The following ZNF821 variants were observed in gnomAD, a reference collection of about 807,000 sequenced individuals.
ZNF821 encodes zinc finger protein 821.
A neutral mutation model predicts 44.3 loss-of-function variants in ZNF821; 16 were observed. The ratio of observed to expected loss-of-function variants is 0.36; its 90% CI spans 0.24 to 0.55. The LOEUF (loss-of-function observed/expected upper bound fraction) is 0.55, where lower values mean the gene tolerates loss of function less well. Ranked by LOEUF, ZNF821 falls within the 20% of genes least tolerant of loss-of-function variation. The pLI, the probability that ZNF821 is intolerant of heterozygous loss-of-function variation, is 0.86. For missense variants in ZNF821, 436 were observed against 547.6 expected (o/e 0.80, Z 2.03); for synonymous variants, 204 against 197.6 (o/e 1.03, Z -0.27).
At chr16:71,862,423 CA>C (rs1351320765) in intron 6 of ZNF821, among the ~76,000 whole-genome samples, 1 of 152,064 alleles carries the variant, frequency 6.6e-6, no homozygotes, top group Non-Finnish European at 1.5e-5. Flanking sequence ...CACAGTGAGC[CA>C]AGATCACACC....
chr16:71,863,390 G>A (rs1211520651), intron 6 of ZNF821, among the ~76,000 whole-genome samples: 2 of 146,712 alleles, frequency 1.4e-5, no homozygotes, highest in Non-Finnish European at 3.0e-5. Context: ...TGGAAGCTTG[G>A]AGCAGAATCT....
chr16:71,877,974 T>C (rs1057326392), intron 3 of ZNF821, among the ~76,000 whole-genome samples: 1 of 147,484 alleles, frequency 6.8e-6, no homozygotes, highest in African/African-American at 2.5e-5. Context: ...AATATATATG[T>C]ATATATATTT....
chr16:71,890,249 C>G (rs1214417929), intron 1 of ZNF821, among the ~76,000 whole-genome samples: 2 of 150,034 alleles, frequency 1.3e-5, no homozygotes, highest in African/African-American at 5.0e-5. Context: ...TATTGTTTTT[C>G]TTCTTTTTCT....
intron 7 of ZNF821, among the ~76,000 whole-genome samples, chr16:71,861,238 G>A (rs551739050): frequency 1.3e-5 from 2 of 152,350 alleles, no homozygotes; most frequent in African/African-American, 4.8e-5. Flanking sequence ...CAAACCCTTG[G>A]TGTTTTCACT....
Position 71,860,773 on chromosome 16 carries a change from T to G in ZNF821, c.585-101A>C. 8.2e-7 allele frequency: 1 copy of G among 1,214,352 alleles called. No homozygotes were observed. The highest frequency in any genetic ancestry group is 1.1e-6 in the Non-Finnish European group (1 of 881,732). 75.2% of individuals were successfully genotyped at this position (1,214,352 alleles called of 1,614,324 possible). A position where few individuals can be genotyped will look rare whatever the true frequency, so the allele number is the denominator to read the frequency against. On this transcript the variant is annotated intron_variant, in intron 7 of 7. Coordinates refer to ENST00000425432, the MANE Select transcript of ZNF821 (RefSeq NM_001201552.2). The surrounding 1 kb of genome is among the most constrained non-coding windows in gnomAD (Gnocchi z 7.3). ...TCCTATGAGGCCAGTGGCTCCACGC[T>G]CACCACAAGGGGTCAGTTTGAATGC...
At chr16:71,863,007 C>T (rs1243173044) in intron 6 of ZNF821, among the ~76,000 whole-genome samples, 1 of 152,184 alleles carries the variant, frequency 6.6e-6, no homozygotes, top group African/African-American at 2.4e-5. Flanking sequence ...CATTCTCCTG[C>T]CTCAGCTTCC....
intron 1 of ZNF821, among the ~76,000 whole-genome samples, chr16:71,892,230 G>A (rs1417882211): frequency 7.6e-6 from 1 of 131,978 alleles, no homozygotes; most frequent in East Asian, 2.4e-4. Flanking sequence ...CACCTTTAGC[G>A]CTTTTAGTTA....
intron 2 of ZNF821, among the ~76,000 whole-genome samples, chr16:71,882,518 AAGAC>A (rs1375038296): frequency 6.6e-6 from 1 of 152,200 alleles, no homozygotes; most frequent in Non-Finnish European, 1.5e-5. Flanking sequence ...TCCAAGTCAA[AAGAC>A]AGAGATGAGT....
upstream of ZNF821, among the ~76,000 whole-genome samples, chr16:71,888,905 A>G (rs2036871785): frequency 6.6e-6 from 1 of 152,180 alleles, no homozygotes; most frequent in Non-Finnish European, 1.5e-5. Context: ...TAAACTCCAT[A>G]TACACAAATT....
intron 3 of ZNF821, among the ~76,000 whole-genome samples, chr16:71,874,837 C>T (rs1363178583): frequency 6.6e-6 from 1 of 152,184 alleles, no homozygotes; most frequent in South Asian, 2.1e-4. Flanking sequence ...TGATAGGAGA[C>T]TCACATGGTC....
chr16:71,875,797 C>A (rs975277600), intron 3 of ZNF821, among the ~76,000 whole-genome samples: 1 of 152,132 alleles, frequency 6.6e-6, no homozygotes, highest in Non-Finnish European at 1.5e-5. Context: ...CAGGGTTTCA[C>A]CATGTTGTCC....
At chr16:71,893,141 C>T (rs1484912270) in intron 1 of ZNF821, among the ~76,000 whole-genome samples, 1 of 147,600 alleles carries the variant, frequency 6.8e-6, no homozygotes, top group African/African-American at 2.5e-5. Context: ...TCTCCTGCCT[C>T]AGCCTCCCGA....
intron 3 of ZNF821, among the ~76,000 whole-genome samples, chr16:71,873,650 T>A (rs1320673869): frequency 5.3e-5 from 8 of 152,016 alleles, no homozygotes; most frequent in Admixed American, 3.9e-4. Flanking sequence ...GATTCTTTTT[T>A]AAAAATATAT....
At chr16:71,885,318 G>A (rs1018651406), upstream of ZNF821, 2 of 152,320 alleles carry the variant, frequency 1.3e-5, no homozygotes, top group Non-Finnish European at 2.9e-5. Context: ...ATGAGATCTG[G>A]TATTAGAAGA....
intron 3 of ZNF821, among the ~76,000 whole-genome samples, chr16:71,875,291 C>CT (rs1300368635): frequency 1.3e-5 from 2 of 151,394 alleles, no homozygotes; most frequent in Admixed American, 6.6e-5. Flanking sequence ...TCTTTTTTTC[C>CT]TTTTTTTTGA....
At chr16:71,869,514 A>C (rs2034946679) in intron 3 of ZNF821, among the ~76,000 whole-genome samples, 1 of 152,100 alleles carries the variant, frequency 6.6e-6, no homozygotes, top group African/African-American at 2.4e-5. Flanking sequence ...TGTAGTTATC[A>C]CCTCACCTTA....
At chr16:71,877,574 T>C (rs544765766) in intron 3 of ZNF821, among the ~76,000 whole-genome samples, 9 of 152,096 alleles carry the variant, frequency 5.9e-5, no homozygotes, top group Non-Finnish European at 1.3e-4. Flanking sequence ...TAGCATGTTT[T>C]TAAGAAATTT....
At chr16:71,863,381 G>A (rs936765513) in intron 6 of ZNF821, among the ~76,000 whole-genome samples, 7 of 148,608 alleles carry the variant, frequency 4.7e-5, no homozygotes, top group Admixed American at 4.1e-4. Context: ...CTAAAATGTT[G>A]GAAGCTTGGA....
At chr16:71,864,348 G>A (rs752714083) in intron 5 of ZNF821, 106 bp from the exon 6 acceptor site, 23 of 882,856 alleles carry the variant, frequency 2.6e-5, no homozygotes, top group African/African-American at 6.7e-5. Flanking sequence ...GACTGATGGC[G>A]CATGTTATTC....
Sources: gnomAD v4.1 joint callset for allele counts (sites outside exome capture counted in the v4.1 genomes callset) on GRCh38, gnomAD v4.1.1 for gene constraint, Gnocchi (gnomAD v3.1) non-coding constraint, MANE v1.5 for transcripts, NCBI Gene and HGNC (gene_info 2026-07-23, HGNC 2026-07-21) for gene names.